Variants in RNGTT observed in about 807,000 individuals in gnomAD.
RNGTT encodes the protein mRNA-capping enzyme.
Under a neutral mutation model 79.3 loss-of-function variants are expected in RNGTT, and 33 were observed. The observed-to-expected ratio is 0.42, with a 90% confidence interval of 0.32 to 0.56. The LOEUF (loss-of-function observed/expected upper bound fraction) is 0.56, where lower values mean the gene tolerates loss of function less well. Ranked by LOEUF, RNGTT falls within the 20% of genes least tolerant of loss-of-function variation. RNGTT has a pLI of 0.17. For missense variants in RNGTT, 497 were observed against 739.1 expected (o/e 0.67, Z 3.80); for synonymous variants, 222 against 235.9 (o/e 0.94, Z 0.54).
intron 14 of RNGTT, among the ~76,000 whole-genome samples, chr6:88,625,829 C>T (rs939709056): frequency 1.3e-5 from 2 of 151,898 alleles, no homozygotes; most frequent in African/African-American, 4.8e-5. Context: ...AGTGGCTTCC[C>T]ATTACAAAGC....
intron 4 of RNGTT, among the ~76,000 whole-genome samples, chr6:88,926,844 G>A (rs778856414): frequency 6.6e-6 from 1 of 152,208 alleles, no homozygotes; most frequent in Admixed American, 6.5e-5. Context: ...GACTAGCAGG[G>A]AGGAAATGTT....
At chr6:88,952,320 GGT>G in intron 1 of RNGTT, among the ~76,000 whole-genome samples, 1 of 152,232 alleles carries the variant, frequency 6.6e-6, no homozygotes, top group Admixed American at 6.5e-5. Flanking sequence ...CCTACCTGAT[GGT>G]ATTTCTCTAC....
At chr6:88,909,445 G>C (rs1783763501) in intron 4 of RNGTT, among the ~76,000 whole-genome samples, 1 of 152,158 alleles carries the variant, frequency 6.6e-6, no homozygotes, top group Admixed American at 6.5e-5. Flanking sequence ...ACCACCTGCA[G>C]ACATACCCCA....
At chr6:88,796,202 A>G (rs979690218) in intron 12 of RNGTT, among the ~76,000 whole-genome samples, 1 of 152,222 alleles carries the variant, frequency 6.6e-6, no homozygotes, top group Non-Finnish European at 1.5e-5. Context: ...AAAATATATT[A>G]TTAAAATTAA....
chr6:88,677,347 T>C (rs1774914853), intron 14 of RNGTT, among the ~76,000 whole-genome samples: 1 of 151,982 alleles, frequency 6.6e-6, no homozygotes, highest in Non-Finnish European at 1.5e-5. Context: ...AAGGAAACTT[T>C]CTGAAGTGAT....
At chr6:88,779,230 A>C (rs1400161419) in intron 12 of RNGTT, among the ~76,000 whole-genome samples, 1 of 152,158 alleles carries the variant, frequency 6.6e-6, no homozygotes, top group Non-Finnish European at 1.5e-5. Flanking sequence ...GAAACACACT[A>C]TGCACATCCC....
chr6:88,770,481 G>A (rs890807576), intron 12 of RNGTT, among the ~76,000 whole-genome samples: 7 of 152,178 alleles, frequency 4.6e-5, no homozygotes, highest in African/African-American at 1.7e-4. Flanking sequence ...CTAGTAGTAT[G>A]TTCCTTTTCA....
intron 8 of RNGTT, among the ~76,000 whole-genome samples, chr6:88,872,390 A>T (rs531404053): frequency 6.6e-6 from 1 of 152,114 alleles, no homozygotes; most frequent in Non-Finnish European, 1.5e-5. Context: ...AATCTGATAG[A>T]CGACATTGAA....
At chr6:88,723,653 A>AAT (rs1422032023) in intron 13 of RNGTT, among the ~76,000 whole-genome samples, 1 of 152,220 alleles carries the variant, frequency 6.6e-6, no homozygotes, top group African/African-American at 2.4e-5. Flanking sequence ...AAATTTTGAA[A>AAT]ATATAAAAAT....
intron 13 of RNGTT, among the ~76,000 whole-genome samples, chr6:88,758,797 T>C (rs1778106881): frequency 6.6e-6 from 1 of 152,250 alleles, no homozygotes; most frequent in South Asian, 2.1e-4. Flanking sequence ...TTTACAACCA[T>C]GAAAATATCT....
At chr6:88,853,835 A>G in intron 8 of RNGTT, 71 bp from the exon 9 acceptor site, 1 of 940,448 alleles carries the variant, frequency 1.1e-6, no homozygotes, top group Non-Finnish European at 1.6e-6. Flanking sequence ...GAAATAACAT[A>G]CTGGTTTTCC....
intron 14 of RNGTT, among the ~76,000 whole-genome samples, chr6:88,634,850 A>C (rs1482586760): frequency 6.6e-6 from 1 of 152,148 alleles, no homozygotes; most frequent in Non-Finnish European, 1.5e-5. Context: ...CAATGTGGAG[A>C]GAAAAATGAT....
At chr6:88,661,008 A>G (rs1184108741) in intron 14 of RNGTT, among the ~76,000 whole-genome samples, 1 of 152,194 alleles carries the variant, frequency 6.6e-6, no homozygotes, top group Non-Finnish European at 1.5e-5. Context: ...ATTAACTCCA[A>G]AAGGAACCCT....
At chr6:88,854,138 T>A (rs1050871493) in intron 8 of RNGTT, among the ~76,000 whole-genome samples, 1 of 151,944 alleles carries the variant, frequency 6.6e-6, no homozygotes, top group Non-Finnish European at 1.5e-5. Context: ...GGGGTTTCAC[T>A]ATGTTGGTCG....
Position 88,844,451 on chromosome 6 carries a change from C to T in RNGTT, c.1175G>A (p.Arg392Gln), listed in dbSNP as rs1461606443. Residue 392 changes from arginine (R) to glutamine (Q), a missense_variant, in exon 11 of 16, where the codon CGA becomes CAA. By Grantham distance (43) the Arg-to-Gln change is conservative. Coordinates refer to ENST00000369485, the MANE Select transcript of RNGTT (RefSeq NM_003800.5). ...GAGCCCAGTCTTCATTTTTTCGTGT[C>T]GAGGACTTATAATTTCTCGTTCTAT... ...QCIEREIISPRHEKMKTGLID... is the reference protein window; with the variant it reads ...QCIEREIISPQHEKMKTGLID... 1.2e-6 allele frequency: 2 copies of T among 1,613,790 alleles called. No homozygotes were observed.
At chr6:88,878,123 T>A (rs1782577383) in intron 8 of RNGTT, among the ~76,000 whole-genome samples, 1 of 151,880 alleles carries the variant, frequency 6.6e-6, no homozygotes, top group Non-Finnish European at 1.5e-5. Flanking sequence ...TGAGACAGGA[T>A]CTTTCTCCGT....
chr6:88,897,280 T>G (rs1036798646), intron 6 of RNGTT, among the ~76,000 whole-genome samples: 4 of 152,184 alleles, frequency 2.6e-5, no homozygotes, highest in African/African-American at 9.7e-5. Flanking sequence ...TGAGTCAACC[T>G]ACCGTTAGTC....
Position 88,678,335 on chromosome 6 carries a change from G to A in RNGTT, c.1506+18C>T. On this transcript the variant is annotated intron_variant, in intron 14 of 15. Transcript: ENST00000369485. ...AGAGAACATCCAGGAAAAGTACACTGAAAATGAACAAACATACCTTGATTT... is the reference window on the plus strand; with the variant it reads ...AGAGAACATCCAGGAAAAGTACACTAAAAATGAACAAACATACCTTGATTT... 1.9e-6 allele frequency: 3 copies of A among 1,587,834 alleles called. No homozygotes were observed. The highest frequency in any genetic ancestry group is 2.6e-6 in the Non-Finnish European group (3 of 1,164,710).
intron 2 of RNGTT, 150 bp downstream of exon 2, chr6:88,940,921 A>C (rs1784824473): frequency 3.7e-6 from 2 of 536,420 alleles, no homozygotes; most frequent in Non-Finnish European, 6.6e-6. Context: ...AGCTGGGAGA[A>C]GGGTTCACAG....
Sources: allele counts gnomAD v4.1 joint callset (sites outside exome capture counted in the v4.1 genomes callset), GRCh38; gene constraint gnomAD v4.1.1; transcripts MANE v1.5; gene names NCBI Gene and HGNC (gene_info 2026-07-23, HGNC 2026-07-21).